ARGLU1: variants seen among roughly 807,000 people sequenced by gnomAD.
ARGLU1 encodes the protein arginine and glutamate-rich protein 1.
ARGLU1 carries 9 observed loss-of-function variants against 37.6 expected under a neutral mutation model. That is an observed-to-expected ratio of 0.24 (90% CI 0.14 to 0.42). The LOEUF is 0.42. Ranked by LOEUF, ARGLU1 falls within the 10% of genes least tolerant of loss-of-function variation. ARGLU1 has a pLI of 1.00. For synonymous variants in ARGLU1, 166 were observed against 138.5 expected (o/e 1.20, Z -1.39); for missense variants, 211 against 359.2 (o/e 0.59, Z 3.34).
At chr13:106,554,123 T>A (rs150769682) in intron 3 of ARGLU1, among the ~76,000 whole-genome samples, 123 of 152,338 alleles carry the variant, frequency 8.1e-4, no homozygotes, top group African/African-American at 2.8e-3. Context: ...ACTATGTCAT[T>A]ATCTTACATT....
At chr13:106,565,534 A>ACCTAGCTAGGT (rs1880938650) in intron 1 of ARGLU1, among the ~76,000 whole-genome samples, 1 of 152,224 alleles carries the variant, frequency 6.6e-6, no homozygotes, top group African/African-American at 2.4e-5. Flanking sequence ...TCTTTATATT[A>ACCTAGCTAGGT]ACAGTACCTA....
intron 2 of ARGLU1, chr13:106,558,319 G>C (rs1880708574): frequency 1.0e-6 from 1 of 984,894 alleles, no homozygotes; most frequent in Non-Finnish European, 1.2e-6. Context: ...TGTATATCTA[G>C]TTAAAGACAG....
Position 106,557,453 on chromosome 13 carries a change from T to A in ARGLU1, c.574-322A>T, listed in dbSNP as rs938398873. On this transcript the variant is annotated intron_variant, in intron 2 of 3. Transcript: ENST00000400198. The surrounding 1 kb of genome is among the most constrained non-coding windows in gnomAD (Gnocchi z 5.0). ...GATAGTATTTACCAAATTAAAAAAA[T>A]AATATATAAAATATAAATAAAGTGA... The A allele has an allele frequency of 2.3e-6, 2 of 885,126 alleles. No individual in the cohort carries two copies. Among genetic ancestry groups the A allele is most frequent in the Non-Finnish European group, 3.1e-6 (2 of 649,766 alleles). The allele number at this position is 885,126 out of a possible 1,614,324, so 54.8% of individuals were successfully genotyped here.
chr13:106,543,285 T>C lies in ARGLU1; in HGVS notation c.*711A>G, dbSNP rs1186992141. 6.6e-6 allele frequency: 1 copy of C among 152,524 alleles called. No individual in the cohort carries two copies. Among genetic ancestry groups the C allele is most frequent in the African/African-American group, 2.4e-5 (1 of 41,446 alleles). 9.4% of individuals were successfully genotyped at this position (152,524 alleles called of 1,614,324 possible). On this transcript the variant is annotated 3_prime_UTR_variant, in exon 4 of 4. Transcript: ENST00000400198. ...GACCATCAAAAAGTGAACCACCCTCTTTAAGACTTAACATAACATTAAAAA... is the reference window on the plus strand; with the variant it reads ...GACCATCAAAAAGTGAACCACCCTCCTTAAGACTTAACATAACATTAAAAA...
intron 3 of ARGLU1, among the ~76,000 whole-genome samples, chr13:106,551,522 G>T (rs918402931): frequency 2.0e-5 from 3 of 152,106 alleles, no homozygotes; most frequent in Admixed American, 2.0e-4. Flanking sequence ...TCTATCATGT[G>T]ACTCAAAACT....
In ARGLU1 at chr13:106,557,660, G is replaced by A; in HGVS notation, c.574-529C>T. On this transcript the variant is annotated intron_variant, in intron 2 of 3. Coordinates refer to ENST00000400198, the MANE Select transcript of ARGLU1 (RefSeq NM_018011.4). The surrounding 1 kb of genome is among the most constrained non-coding windows in gnomAD (Gnocchi z 5.0). Reference sequence around the variant, plus strand: ...TGTTAGCTTGGCAATACCTGCATCAGCAGCTCAACCATTTATAAAGAAACA... The same window carrying A: ...TGTTAGCTTGGCAATACCTGCATCAACAGCTCAACCATTTATAAAGAAACA... The A allele has an allele frequency of 6.4e-7, 1 of 1,568,188 alleles. No homozygotes were observed. The highest frequency in any genetic ancestry group is 8.7e-7 in the Non-Finnish European group (1 of 1,155,664).
intron 2 of ARGLU1, chr13:106,558,579 G>A: frequency 2.0e-6 from 2 of 985,438 alleles, no homozygotes; most frequent in Non-Finnish European, 2.4e-6. Flanking sequence ...GAGTGTTTCA[G>A]TGACTTTCAC....
chr13:106,559,555 C>G lies in ARGLU1; in HGVS notation c.450G>C (p.Lys150Asn). The change falls in exon 2 of 4, where the codon AAG becomes AAC. Residue 150 changes from lysine to asparagine, a missense_variant. By Grantham distance (94) the Lys-to-Asn change is moderately conservative. Around this residue, in one of 3 missense-constraint regions of ARGLU1, gnomAD observed 80 missense variants for 158.4 expected, o/e 0.51. Coordinates refer to ENST00000400198, the MANE Select transcript of ARGLU1 (RefSeq NM_018011.4). ...GGAGAACTTCTCGTTCAATTTCATC[C>G]TTCCTTTTCTCCAGTTCTTCCTCCA... ...KRVEEELEKRKDEIEREVLRR... is the reference protein window; with the variant it reads ...KRVEEELEKRNDEIEREVLRR... 6.2e-7 allele frequency: 1 copy of G among 1,614,140 alleles called. No homozygotes were observed. Among genetic ancestry groups the G allele is most frequent in the Non-Finnish European group, 8.5e-7 (1 of 1,180,034 alleles).
chr13:106,555,514 G>T (rs1454729747), intron 3 of ARGLU1, among the ~76,000 whole-genome samples: 1 of 152,160 alleles, frequency 6.6e-6, no homozygotes, highest in African/African-American at 2.4e-5. Context: ...AAGGGTTTTA[G>T]AAGTTTTTAC....
In ARGLU1 at chr13:106,544,767, A is replaced by G. The variant is rs922223905; in HGVS notation, c.658-607T>C. 2.3e-4 allele frequency among the ~76,000 whole-genome samples: 35 copies of G among 152,020 alleles called. No individual in the cohort carries two copies. In the East Asian group the frequency reaches 2.7e-3, roughly 12 times the overall value. ...CTTTTTGTGTGGTCAAATCATGCTG[A>G]AAAAAAAGGGACTATATTATAGTAT... On this transcript the variant is annotated intron_variant, in intron 3 of 3. Transcript: ENST00000400198.
rs1398539317 is a variant in ARGLU1 at position 106,567,282 on chromosome 13, TC to T, written c.347+290del. On this transcript the variant is annotated intron_variant, in intron 1 of 3. Coordinates refer to ENST00000400198, the MANE Select transcript of ARGLU1 (RefSeq NM_018011.4). The surrounding 1 kb of genome is among the most constrained non-coding windows in gnomAD (Gnocchi z 4.3). Reference sequence around the variant, plus strand: ...CCTCACTCCGAACTCCACCCCTACTTCCGGGACACCACTCCTCTCTCGCGCC... The same window carrying T: ...CCTCACTCCGAACTCCACCCCTACTTCGGGACACCACTCCTCTCTCGCGCC... 6.6e-6 allele frequency among the ~76,000 whole-genome samples: 1 copy of T among 151,246 alleles called. No individual in the cohort carries two copies.
chr13:106,548,704 GTTAAAAGGCC>G (rs536386460), intron 3 of ARGLU1, among the ~76,000 whole-genome samples: 31 of 152,092 alleles, frequency 2.0e-4, no homozygotes, highest in Non-Finnish European at 4.0e-4. Flanking sequence ...TTCCATTATA[GTTAAAAGGCC>G]TACTTACCCC....
chr13:106,567,549 G>T lies in ARGLU1; in HGVS notation c.347+24C>A. ...CGCGCCCTGCTCTCCGCACGCCCCG[G>T]TCCCTCCCCGCGCGGGCACTCACAT... On this transcript the variant is annotated intron_variant, in intron 1 of 3. Transcript: ENST00000400198. The surrounding 1 kb of genome is among the most constrained non-coding windows in gnomAD (Gnocchi z 4.3). The T allele has an allele frequency of 1.3e-6, 2 of 1,532,506 alleles. No homozygotes were observed. The highest frequency in any genetic ancestry group is 9.0e-7 in the Non-Finnish European group (1 of 1,106,476). 94.9% of individuals were successfully genotyped at this position (1,532,506 alleles called of 1,614,324 possible).
chr13:106,567,491 G>A lies in ARGLU1; in HGVS notation c.347+82C>T. The A allele has an allele frequency of 5.9e-6, 6 of 1,016,492 alleles. No homozygotes were observed. Among genetic ancestry groups the A allele is most frequent in the South Asian group, 1.4e-5 (1 of 71,008 alleles). The allele number at this position is 1,016,492 out of a possible 1,614,324, so 63.0% of individuals were successfully genotyped here. ...ACCGTCCCCGCCATTCTCCCGGCCCGCACCGTCCCGCCCCGGCCCCACGCC... is the reference window on the plus strand; with the variant it reads ...ACCGTCCCCGCCATTCTCCCGGCCCACACCGTCCCGCCCCGGCCCCACGCC... On this transcript the variant is annotated intron_variant, in intron 1 of 3. Coordinates refer to ENST00000400198, the MANE Select transcript of ARGLU1 (RefSeq NM_018011.4). The surrounding 1 kb of genome is among the most constrained non-coding windows in gnomAD (Gnocchi z 4.3).
At position 106,554,652 on chromosome 13, in the gene ARGLU1, C is replaced by T. The variant is rs1297884428; in HGVS notation, c.657+2396G>A. ...CTGTAATCCCAGCACTTTGGGAGGACGGTGCGGGTGGATCACAAGGTCAAG... is the reference window on the plus strand; with the variant it reads ...CTGTAATCCCAGCACTTTGGGAGGATGGTGCGGGTGGATCACAAGGTCAAG... On this transcript the variant is annotated intron_variant, in intron 3 of 3. Coordinates refer to ENST00000400198, the MANE Select transcript of ARGLU1 (RefSeq NM_018011.4). 3.3e-5 allele frequency among the ~76,000 whole-genome samples: 5 copies of T among 152,160 alleles called. No individual in the cohort carries two copies. In the South Asian group the frequency reaches 6.2e-4, roughly 19 times the overall value.
chr13:106,546,754 G>A (rs1880400937), intron 3 of ARGLU1, among the ~76,000 whole-genome samples: 1 of 152,100 alleles, frequency 6.6e-6, no homozygotes, highest in Non-Finnish European at 1.5e-5. Context: ...GCATCCTAGA[G>A]CCCTGGAGAG....
In ARGLU1 at chr13:106,557,306, A is replaced by T. The variant is rs147420034; in HGVS notation, c.574-175T>A. ...TCACTAAAATTGGTTTCTAGCACTA[A>T]ATTTAAATCATCCCTCCCAGTCCAA... On this transcript the variant is annotated intron_variant, in intron 2 of 3. Transcript: ENST00000400198. The surrounding 1 kb of genome is among the most constrained non-coding windows in gnomAD (Gnocchi z 5.0). 159 of 683,564 alleles carry T rather than the reference A, an allele frequency of 2.3e-4. 1 individual carries two copies. The African/African-American group carries it at 2.8e-3, about 12-fold the overall frequency. 42.3% of individuals were successfully genotyped at this position (683,564 alleles called of 1,614,324 possible). A position where few individuals can be genotyped will look rare whatever the true frequency, so the allele number is the denominator to read the frequency against.
At chr13:106,555,611 A>G (rs1880643833) in intron 3 of ARGLU1, among the ~76,000 whole-genome samples, 1 of 152,250 alleles carries the variant, frequency 6.6e-6, no homozygotes, top group African/African-American at 2.4e-5. Flanking sequence ...TTAAAAAACA[A>G]AAACAGAACT....
chr13:106,558,798 G>A (rs1214443182), intron 2 of ARGLU1: 1 of 985,174 alleles, frequency 1.0e-6, no homozygotes. Flanking sequence ...AAAAAAAGTG[G>A]ATGAATAATC....
Sources: allele counts gnomAD v4.1 joint callset (sites outside exome capture counted in the v4.1 genomes callset), GRCh38; gene constraint gnomAD v4.1.1; regional missense constraint gnomAD v4.1.1; non-coding constraint Gnocchi (gnomAD v3.1); transcripts MANE v1.5; gene names NCBI Gene and HGNC (gene_info 2026-07-23, HGNC 2026-07-21).